The following PLXND1 variants were observed in gnomAD, a reference collection of about 807,000 sequenced individuals.
PLXND1 encodes plexin-D1.
In PLXND1, 54 loss-of-function variants were observed where a neutral mutation model predicts 197.7. The observed-to-expected ratio is 0.27, with a 90% CI of 0.22 to 0.34. The LOEUF is 0.34. Among genes scored for constraint, PLXND1 ranks in the 10% least tolerant of loss-of-function variants. PLXND1 has a pLI of 1.00. For missense variants in PLXND1, 2,127 were observed against 2,699.2 expected (o/e 0.79, Z 4.70); for synonymous variants, 1,180 against 1,161.2 (o/e 1.02, Z -0.33).
intron 1 of PLXND1, 55 bp from the exon 2 acceptor site, chr3:129,589,582 G>A (rs2251016): frequency 0.044 from 62,835 of 1,432,970 alleles, 1,919 homozygotes; most frequent in East Asian, 0.11. Flanking sequence ...CCGGCTCCCC[G>A]CCCGCACAGC....
rs765091550 is a variant in PLXND1, at chr3:129,561,638, C to T, written c.4993+8G>A. On this transcript the variant is annotated splice_region_variant and intron_variant, in intron 29 of 35. Transcript: ENST00000324093. ...CCTGGGCTCCCTTCCCACGTGCACC[C>T]GCACTACCTCGGCCCAGTGTGTTGT... The T allele has an allele frequency of 5.6e-6, 9 of 1,599,156 alleles. No individual in the cohort carries two copies. In the South Asian group the frequency reaches 6.7e-5, roughly 12 times the overall value.
intron 1 of PLXND1, among the ~76,000 whole-genome samples, chr3:129,596,436 A>T (rs1030539224): frequency 4.6e-5 from 7 of 151,972 alleles, no homozygotes; most frequent in Middle Eastern, 3.2e-3. Flanking sequence ...GCTGTTTCTC[A>T]TTCCGGCCCG....
At position 129,561,677 on chromosome 3, in the gene PLXND1, G is replaced by T; in HGVS notation, c.4962C>A (p.Leu1654=). The T allele has an allele frequency of 6.2e-7, 1 of 1,608,022 alleles. No homozygotes were observed. The highest frequency in any genetic ancestry group is 2.2e-5 in the East Asian group (1 of 44,670). Residue 1654 remains leucine, a synonymous_variant, in exon 29 of 36, where the codon CTC becomes CTA. Transcript: ENST00000324093. The stretch of plus-strand genomic sequence containing the variant: ...CCAGTGTGTTGTCCTTCTTGTCTAT[G>T]AGACTCATGGCCAGGGAGGCACCTT... ...IPEGASLAMS[L]IDKKDNTLGR...
At position 129,605,379 on chromosome 3, in the gene PLXND1, T is replaced by C. The variant is rs1326942294; in HGVS notation, c.1261A>G (p.Ser421Gly). The C allele has an allele frequency of 6.7e-7, 1 of 1,500,356 alleles. No individual in the cohort carries two copies. Among genetic ancestry groups the C allele is most frequent in the Non-Finnish European group, 8.8e-7 (1 of 1,132,982 alleles). 92.9% of individuals were successfully genotyped at this position (1,500,356 alleles called of 1,614,324 possible). Residue 421 changes from serine (S) to glycine (G), a missense_variant, in exon 1 of 36, where the codon AGC (serine) becomes GGC (glycine). Transcript: ENST00000324093. ...PAPDVVAVLD[S>G]VVQGTGPACE... is the part of the protein sequence containing the mutation. ...GCCGGTCCCGTGCCCTGCACCACGC[T>C]GTCGAGCACCGCCACCACGTCGGGC...
In PLXND1 at chr3:129,558,401, C is replaced by A; in HGVS notation, c.5445+27G>T. The A allele has an allele frequency of 1.2e-6, 2 of 1,609,450 alleles. No individual in the cohort carries two copies. Among genetic ancestry groups the A allele is most frequent in the Non-Finnish European group, 1.7e-6 (2 of 1,178,174 alleles). ...ACCCCACTCTGGCCCTGTGCATGGGCCTGGCCTGGTCCTGGGAACAGCTGA... is the reference window on the plus strand; with the variant it reads ...ACCCCACTCTGGCCCTGTGCATGGGACTGGCCTGGTCCTGGGAACAGCTGA... On this transcript the variant is annotated intron_variant, in intron 33 of 35. Transcript: ENST00000324093. The surrounding 1 kb of genome is among the most constrained non-coding windows in gnomAD (Gnocchi z 4.1).
At position 129,561,467 on chromosome 3, in the gene PLXND1, G is replaced by A. The variant is rs540240467; in HGVS notation, c.4993+179C>T. Among the ~76,000 whole-genome samples, 7 of 152,336 alleles carry A rather than the reference G, an allele frequency of 4.6e-5. No individual in the cohort carries two copies. The East Asian group carries it at 1.4e-3, about 29-fold the overall frequency. ...GGAAATCAGCTTGAGGAGGCCTGGT[G>A]TGGGCCCTGCCCCAGCAGTACTGGG... On this transcript the variant is annotated intron_variant, in intron 29 of 35. Transcript: ENST00000324093.
Position 129,558,417 on chromosome 3 carries a change from G to T in PLXND1, c.5445+11C>A. ...GTGCATGGGCCTGGCCTGGTCCTGG[G>T]AACAGCTGACCTTGCCCAGCTGCAG... is the stretch of plus-strand genomic sequence containing the variant. On this transcript the variant is annotated intron_variant, in intron 33 of 35. Transcript: ENST00000324093. The surrounding 1 kb of genome is among the most constrained non-coding windows in gnomAD (Gnocchi z 4.1). The T allele has an allele frequency of 6.2e-7, 1 of 1,612,308 alleles. No individual in the cohort carries two copies. Among genetic ancestry groups the T allele is most frequent in the Non-Finnish European group, 8.5e-7 (1 of 1,179,516 alleles).
chr3:129,586,793 C>T (rs1399209368), intron 2 of PLXND1, 74 bp from the exon 3 acceptor site: 29 of 1,529,680 alleles, frequency 1.9e-5, no homozygotes, highest in Admixed American at 7.7e-5. Flanking sequence ...AACCTGAGCC[C>T]GGGTCTGGGG....
intron 1 of PLXND1, among the ~76,000 whole-genome samples, chr3:129,596,188 G>A (rs944820577): frequency 1.3e-5 from 2 of 152,032 alleles, no homozygotes; most frequent in African/African-American, 4.8e-5. Context: ...TGCAGACCAC[G>A]GAGCAGAGGC....
At chr3:129,563,294 T>C (rs2713624) in intron 25 of PLXND1, 54 bp from the exon 26 acceptor site, 545,024 of 1,484,130 alleles carry the variant, frequency 0.37, 112,916 homozygotes, top group African/African-American at 0.86. Context: ...CCAGCCCCCA[T>C]GCTTTGGGCC....
intron 1 of PLXND1, among the ~76,000 whole-genome samples, chr3:129,599,951 G>T (rs1314440691): frequency 6.6e-6 from 1 of 152,212 alleles, no homozygotes; most frequent in Non-Finnish European, 1.5e-5. Context: ...TGTAAGCTGG[G>T]GATGATGATG....
intron 1 of PLXND1, among the ~76,000 whole-genome samples, chr3:129,593,096 G>A (rs990481081): frequency 2.0e-5 from 3 of 152,176 alleles, no homozygotes; most frequent in South Asian, 2.1e-4. Flanking sequence ...TCCCCGCAGC[G>A]CCCTCCAAGT....
chr3:129,555,773 C>G lies in PLXND1; in HGVS notation c.*539G>C. On this transcript the variant is annotated 3_prime_UTR_variant, in exon 36 of 36. Coordinates refer to ENST00000324093, the MANE Select transcript of PLXND1 (RefSeq NM_015103.3). Reference sequence around the variant, plus strand: ...CAACAGCCGCCCAAGCAACAAAAATCTGACACTACTTGAAACTGTCTGTGG... The same window carrying G: ...CAACAGCCGCCCAAGCAACAAAAATGTGACACTACTTGAAACTGTCTGTGG... 2.1e-6 allele frequency: 1 copy of G among 474,372 alleles called. No homozygotes were observed. Among genetic ancestry groups the G allele is most frequent in the Non-Finnish European group, 3.7e-6 (1 of 271,494 alleles). The allele number at this position is 474,372 out of a possible 1,614,324, so 29.4% of individuals were successfully genotyped here. A position where few individuals can be genotyped will look rare whatever the true frequency, so the allele number is the denominator to read the frequency against.
intron 9 of PLXND1, among the ~76,000 whole-genome samples, chr3:129,576,218 C>T (rs1268439296): frequency 6.6e-6 from 1 of 152,220 alleles, no homozygotes; most frequent in Non-Finnish European, 1.5e-5. Flanking sequence ...CCTGCCCTAC[C>T]AGGCCCTGCT....
chr3:129,589,310 T>TGGCCCCCCCCCCC, intron 2 of PLXND1, 41 bp downstream of exon 2: 8 of 501,278 alleles, frequency 1.6e-5, no homozygotes, highest in Non-Finnish European at 2.3e-5. Context: ...CAGGGGAGCC[T>TGGCCCCCCCCCCC]CCCACCCCCA....
At chr3:129,581,473 CT>C (rs2085387208) in intron 8 of PLXND1, among the ~76,000 whole-genome samples, 2 of 150,960 alleles carry the variant, frequency 1.3e-5, no homozygotes, top group Non-Finnish European at 1.5e-5. Flanking sequence ...GAGAAATCCT[CT>C]CTCTGAAATC....
Position 129,567,824 on chromosome 3 carries a change from C to T in PLXND1, c.3866-19G>A, listed in dbSNP as rs1308866724. On this transcript the variant is annotated intron_variant, in intron 20 of 35. Coordinates refer to ENST00000324093, the MANE Select transcript of PLXND1 (RefSeq NM_015103.3). ...AACAGGGCTGCGGGCAGTGGAGAGG[C>T]AGGTCAGGCCTCTGGTGCCCTTTGG... The T allele has an allele frequency of 2.2e-5, 33 of 1,487,072 alleles. No homozygotes were observed. The highest frequency in any genetic ancestry group is 2.6e-5 in the Non-Finnish European group (28 of 1,069,624). The allele number at this position is 1,487,072 out of a possible 1,614,324, so 92.1% of individuals were successfully genotyped here.
At chr3:129,561,058 T>A (rs563968935) in intron 29 of PLXND1, 11 of 493,082 alleles carry the variant, frequency 2.2e-5, no homozygotes, top group African/African-American at 2.2e-4. Flanking sequence ...TGGAGGGACT[T>A]GGAAGGAGGG....
chr3:129,593,789 A>G (rs529824125), intron 1 of PLXND1, among the ~76,000 whole-genome samples: 2 of 152,278 alleles, frequency 1.3e-5, no homozygotes, highest in African/African-American at 4.8e-5. Context: ...ACTGGCTGCT[A>G]GCTTCAGTTC....
Sources: gnomAD v4.1 joint callset for allele counts (sites outside exome capture counted in the v4.1 genomes callset) on GRCh38, gnomAD v4.1.1 for gene constraint, Gnocchi (gnomAD v3.1) non-coding constraint, MANE v1.5 for transcripts, NCBI Gene and HGNC (gene_info 2026-07-23, HGNC 2026-07-21) for gene names.